The following NAV2 variants were observed in gnomAD, a reference collection of about 807,000 sequenced individuals.
NAV2 encodes the protein neuron navigator 2.
In NAV2, 54 loss-of-function variants were observed where a neutral mutation model predicts 223.2. The ratio of observed to expected loss-of-function variants is 0.24; its 90% CI spans 0.19 to 0.30. The LOEUF (loss-of-function observed/expected upper bound fraction) is 0.30. Among genes scored for constraint, NAV2 ranks in the 10% least tolerant of loss-of-function variants. The probability of loss-of-function intolerance (pLI) is 1.00; values close to 1 mark genes in which losing one functional copy is unlikely to be tolerated. For missense variants in NAV2, 2,806 were observed against 3,147.5 expected (o/e 0.89, Z 2.60); for synonymous variants, 1,279 against 1,239.3 (o/e 1.03, Z -0.67).
At chr11:19,877,053 G>T (rs1797417578) in intron 4 of NAV2, among the ~76,000 whole-genome samples, 1 of 151,718 alleles carries the variant, frequency 6.6e-6, no homozygotes, top group Admixed American at 6.6e-5. Context: ...GGCTATACAA[G>T]TAAGTCAAGT....
intron 1 of NAV2, among the ~76,000 whole-genome samples, chr11:19,651,699 A>G (rs536968242): frequency 6.6e-6 from 1 of 152,366 alleles, no homozygotes; most frequent in Admixed American, 6.5e-5. Context: ...ACCATGTGGC[A>G]TGAGGTAAAA....
intron 1 of NAV2, among the ~76,000 whole-genome samples, chr11:19,641,825 C>G (rs2047676188): frequency 6.6e-6 from 1 of 152,092 alleles, no homozygotes; most frequent in African/African-American, 2.4e-5. Context: ...TCTACCCACT[C>G]TCTTTCACAG....
intron 1 of NAV2, among the ~76,000 whole-genome samples, chr11:19,666,851 A>G (rs2048425076): frequency 6.6e-6 from 1 of 152,182 alleles, no homozygotes; most frequent in Non-Finnish European, 1.5e-5. Context: ...TTTAGGTATC[A>G]ACCCAGACTA....
Position 19,676,261 on chromosome 11 carries a change from C to A in NAV2, c.76-156223C>A, listed in dbSNP as rs1394665261. ...CCACATATATTTGAAAAGGAGCATG[C>A]ACTGCAGTGTGGAGATCTTGGGTTC... On this transcript the variant is annotated intron_variant, in intron 1 of 37. Coordinates refer to the NAV2 transcript ENST00000360655. Among the ~76,000 whole-genome samples, 3 of 152,214 alleles carry A rather than the reference C, an allele frequency of 2.0e-5. No homozygotes were observed. The East Asian group carries it at 5.8e-4, about 29-fold the overall frequency.
At position 20,119,925 on chromosome 11, in the gene NAV2, T is replaced by C. The variant is rs1039631463; in HGVS notation, c.*1667T>C. 2 of 152,196 alleles carry C rather than the reference T, an allele frequency of 1.3e-5. No individual in the cohort carries two copies. Among genetic ancestry groups the C allele is most frequent in the Non-Finnish European group, 2.9e-5 (2 of 68,032 alleles). 9.4% of individuals were successfully genotyped at this position (152,196 alleles called of 1,614,324 possible). Reference sequence around the variant, plus strand: ...AGGAGAAGGCAAAAGTTTCTACAAGTCTACATGACCTTGCTGATACTTGTT... The same window carrying C: ...AGGAGAAGGCAAAAGTTTCTACAAGCCTACATGACCTTGCTGATACTTGTT... On this transcript the variant is annotated 3_prime_UTR_variant, in exon 38 of 38. Coordinates refer to ENST00000349880, the MANE Select transcript of NAV2 (RefSeq NM_145117.5).
chr11:19,788,042 A>G (rs1362410776), intron 1 of NAV2, among the ~76,000 whole-genome samples: 3 of 152,072 alleles, frequency 2.0e-5, no homozygotes, highest in African/African-American at 4.8e-5. Context: ...GAATATTTCA[A>G]ATGTAATATG....
chr11:19,925,412 A>C (rs1195787422), intron 6 of NAV2, among the ~76,000 whole-genome samples: 1 of 152,172 alleles, frequency 6.6e-6, no homozygotes, highest in Non-Finnish European at 1.5e-5. Flanking sequence ...GCTTTTATGT[A>C]TAGATCTTAG....
intron 1 of NAV2, among the ~76,000 whole-genome samples, chr11:19,446,589 C>A (rs1043645156): frequency 2.5e-4 from 38 of 152,120 alleles, no homozygotes; most frequent in Non-Finnish European, 5.3e-4. Flanking sequence ...CAGGTGATAG[C>A]AGGGGGTTAG....
intron 3 of NAV2, among the ~76,000 whole-genome samples, chr11:19,856,542 C>T (rs1277658093): frequency 6.6e-6 from 1 of 152,126 alleles, no homozygotes; most frequent in East Asian, 1.9e-4. Flanking sequence ...GCCATGCCTA[C>T]AACTAGCTTT....
upstream of NAV2, chr11:19,711,754 C>CT (rs2049889701): frequency 6.6e-6 from 1 of 152,212 alleles, no homozygotes; most frequent in Non-Finnish European, 1.5e-5. Flanking sequence ...TAAAGCCCAG[C>CT]TTTTATTGGT....
intron 1 of NAV2, among the ~76,000 whole-genome samples, chr11:19,781,369 C>T (rs1344348014): frequency 6.6e-6 from 1 of 152,124 alleles, no homozygotes; most frequent in Non-Finnish European, 1.5e-5. Context: ...CCCTCTTAGC[C>T]CCTTTGATCA....
chr11:19,367,841 G>A (rs1690414359), intron 1 of NAV2, among the ~76,000 whole-genome samples: 1 of 152,226 alleles, frequency 6.6e-6, no homozygotes, highest in Admixed American at 6.5e-5. Context: ...CCCAGAAGAT[G>A]CATTAATGGA....
At chr11:19,603,172 G>A (rs566149126) in intron 1 of NAV2, among the ~76,000 whole-genome samples, 3 of 152,200 alleles carry the variant, frequency 2.0e-5, no homozygotes, top group South Asian at 2.1e-4. Context: ...GGTGGTTCTC[G>A]AGTGACAGAG....
At chr11:20,040,776 A>G (rs1029454950) in intron 12 of NAV2, among the ~76,000 whole-genome samples, 4 of 152,254 alleles carry the variant, frequency 2.6e-5, no homozygotes, top group African/African-American at 9.6e-5. Flanking sequence ...AAGGCAGGAT[A>G]GAACTCTTCG....
At chr11:19,408,507 C>G (rs2702631) in intron 1 of NAV2, among the ~76,000 whole-genome samples, 84,742 of 152,040 alleles carry the variant, frequency 0.56, 23,883 homozygotes, top group East Asian at 0.7. Context: ...TTTGGGAATC[C>G]CCTTGGCAGT....
intron 2 of NAV2, among the ~76,000 whole-genome samples, chr11:19,839,278 C>T (rs892334429): frequency 6.6e-6 from 1 of 152,014 alleles, no homozygotes; most frequent in Non-Finnish European, 1.5e-5. Flanking sequence ...CCTTTGCTTA[C>T]GTTGCTGTCA....
At chr11:19,772,157 T>C (rs983482209) in intron 1 of NAV2, among the ~76,000 whole-genome samples, 5 of 152,236 alleles carry the variant, frequency 3.3e-5, no homozygotes, top group African/African-American at 1.2e-4. Context: ...TTCCTTTCTT[T>C]CCAAGGTCTC....
intron 10 of NAV2, among the ~76,000 whole-genome samples, chr11:19,972,882 G>GC (rs1281985886): frequency 4.6e-5 from 7 of 152,132 alleles, no homozygotes; most frequent in Non-Finnish European, 1.0e-4. Flanking sequence ...TTGCACAAAT[G>GC]CCACCACCTT....
rs569765444 is a variant in NAV2, at chr11:19,478,844, C to G, written c.75+127817C>G. On this transcript the variant is annotated intron_variant, in intron 1 of 37. Coordinates refer to the NAV2 transcript ENST00000360655. ...CAGGTGAAAAACTCTGATGCAAATA[C>G]AATGTCTATTTTAGAAACGAGGCTT... is the stretch of plus-strand genomic sequence containing the variant. Among the ~76,000 whole-genome samples the G allele has an allele frequency of 4.6e-5, 7 of 152,336 alleles. No homozygotes were observed. In the South Asian group the frequency reaches 1.4e-3, roughly 32 times the overall value.
Sources: allele counts gnomAD v4.1 joint callset (sites outside exome capture counted in the v4.1 genomes callset), GRCh38; gene constraint gnomAD v4.1.1; transcripts MANE v1.5; gene names NCBI Gene and HGNC (gene_info 2026-07-23, HGNC 2026-07-21).